The following KIRREL3 variants were observed in gnomAD, a reference collection of about 807,000 sequenced individuals.
The protein encoded by KIRREL3 is kin of IRRE-like protein 3.
In KIRREL3, 36 loss-of-function variants were observed where a neutral mutation model predicts 89.7. That is an observed-to-expected ratio of 0.40 (90% confidence interval 0.31 to 0.53). KIRREL3 has a LOEUF of 0.53. Ranked by LOEUF, KIRREL3 falls within the 20% of genes least tolerant of loss-of-function variation. The pLI, the probability that KIRREL3 is intolerant of heterozygous loss-of-function variation, is 0.49. For missense variants in KIRREL3, 864 were observed against 1,056.6 expected (o/e 0.82, Z 2.53); for synonymous variants, 445 against 441.4 (o/e 1.01, Z -0.10).
rs1286510455 is a variant in KIRREL3, at chr11:126,705,471, C to T, written c.56-142559G>A. ...CACCTTCTCTCCCCATGTGATGTAC[C>T]TGCTCCTGCTTCACCTTCTGCCATG... On this transcript the variant is annotated intron_variant, in intron 1 of 16. Coordinates refer to ENST00000525144, the MANE Select transcript of KIRREL3 (RefSeq NM_032531.4). The surrounding 1 kb of genome is among the most constrained non-coding windows in gnomAD (Gnocchi z 4.3). Among the ~76,000 whole-genome samples, 1 of 152,148 alleles carries T rather than the reference C, an allele frequency of 6.6e-6. No individual in the cohort carries two copies. The highest frequency in any genetic ancestry group is 1.5e-5 in the Non-Finnish European group (1 of 68,024).
In KIRREL3 at chr11:126,436,863, C is replaced by G. The variant is rs186782738; in HGVS notation, c.1500G>C (p.Thr500=). The change falls in exon 12 of 17, where the codon ACG becomes ACC. Residue 500 remains threonine (T), a synonymous_variant. Transcript: ENST00000525144. ...TGTCGGAGCCGAAGCTGTTCCAGGCCGTGCAGTTGTAGATGGTCTGGAAGT... is the reference window on the plus strand; with the variant it reads ...TGTCGGAGCCGAAGCTGTTCCAGGCGGTGCAGTTGTAGATGGTCTGGAAGT... ...RADFQTIYNC[T]AWNSFGSDTE... 206 of 1,613,754 alleles carry G rather than the reference C, an allele frequency of 1.3e-4. 1 individual carries two copies. Among genetic ancestry groups the G allele is most frequent in the Admixed American group, 1.1e-3 (68 of 60,024 alleles).
rs553598347 is a variant in KIRREL3, at chr11:126,943,624, C to T, written c.55+56831G>A. Among the ~76,000 whole-genome samples the T allele has an allele frequency of 1.9e-4, 29 of 152,188 alleles. No individual in the cohort carries two copies. The highest frequency in any genetic ancestry group is 3.4e-3 in the Middle Eastern group (1 of 294). On this transcript the variant is annotated intron_variant, in intron 1 of 16. Transcript: ENST00000525144. This position sits in a 1 kb window ranked among gnomAD's most constrained non-coding sequence, Gnocchi z 4.2. ...TACATCTCAGAGCATAAGTGCCATC[C>T]GGGGTAGAAGGCAGGGAAAGGGCAT...
rs552285040 is a variant in KIRREL3 at position 126,577,487 on chromosome 11, T to G, written c.56-14575A>C. Reference sequence around the variant, plus strand: ...GCTGGCCTGGTACAGTGGCTTATGCTTGTAATCCCAGCACTTTGGGAGGCC... The same window carrying G: ...GCTGGCCTGGTACAGTGGCTTATGCGTGTAATCCCAGCACTTTGGGAGGCC... On this transcript the variant is annotated intron_variant, in intron 1 of 16. Transcript: ENST00000525144. 2.6e-3 allele frequency among the ~76,000 whole-genome samples: 387 copies of G among 151,570 alleles called. 1 individual carries two copies. The highest frequency in any genetic ancestry group is 4.4e-3 in the South Asian group (21 of 4,792).
chr11:126,701,603 T>A (rs994663988), intron 1 of KIRREL3, among the ~76,000 whole-genome samples: 1 of 152,086 alleles, frequency 6.6e-6, no homozygotes, highest in African/African-American at 2.4e-5. Context: ...TTAGAAACTC[T>A]CATGGCATGC....
rs2134643142 is a variant in KIRREL3, at chr11:126,575,388, T to A, written c.56-12476A>T. ...AGATATCCACCTTCAGTCTCCTCAA[T>A]GTGTACAATGGAGAGGTCTTGGGCT... On this transcript the variant is annotated intron_variant, in intron 1 of 16. Transcript: ENST00000525144. The surrounding 1 kb of genome is among the most constrained non-coding windows in gnomAD (Gnocchi z 7.0). Among the ~76,000 whole-genome samples the A allele has an allele frequency of 6.6e-6, 1 of 152,180 alleles. No homozygotes were observed. The highest frequency in any genetic ancestry group is 2.1e-4 in the South Asian group (1 of 4,824).
Position 126,429,144 on chromosome 11 carries a change from T to A in KIRREL3, c.1806+35A>T. The A allele has an allele frequency of 7.3e-7, 1 of 1,368,452 alleles. No homozygotes were observed. The highest frequency in any genetic ancestry group is 1.0e-6 in the Non-Finnish European group (1 of 961,232). The allele number at this position is 1,368,452 out of a possible 1,614,324, so 84.8% of individuals were successfully genotyped here. ...GTCCCAGGACCTTCTGGGAATGGAG[T>A]CACGGGATGGGATGGGGCGTAATTG... On this transcript the variant is annotated intron_variant, in intron 15 of 16. Coordinates refer to ENST00000525144, the MANE Select transcript of KIRREL3 (RefSeq NM_032531.4). The surrounding 1 kb of genome is among the most constrained non-coding windows in gnomAD (Gnocchi z 5.2).
chr11:126,662,642 C>T (rs935324812), intron 1 of KIRREL3, among the ~76,000 whole-genome samples: 1 of 152,202 alleles, frequency 6.6e-6, no homozygotes, highest in Non-Finnish European at 1.5e-5. Context: ...AGCCTGATCA[C>T]CTCTTGGAGG....
intron 1 of KIRREL3, among the ~76,000 whole-genome samples, chr11:126,831,370 GCC>G (rs374609980): frequency 6.6e-6 from 1 of 151,668 alleles, no homozygotes; most frequent in Non-Finnish European, 1.5e-5. Flanking sequence ...CAATCTCTCT[GCC>G]TCTCTCTGTC....
At chr11:126,973,992 G>A (rs1949502433) in intron 1 of KIRREL3, among the ~76,000 whole-genome samples, 1 of 152,122 alleles carries the variant, frequency 6.6e-6, no homozygotes, top group Non-Finnish European at 1.5e-5. Flanking sequence ...TAGGGCTCAT[G>A]TTTTCTTTAG....
intron 1 of KIRREL3, among the ~76,000 whole-genome samples, chr11:126,660,868 A>G (rs1252568399): frequency 6.6e-6 from 1 of 152,178 alleles, no homozygotes; most frequent in Non-Finnish European, 1.5e-5. Flanking sequence ...TGGCAGCTAT[A>G]GGGGATAGAG....
At position 126,454,276 on chromosome 11, in the gene KIRREL3, G is replaced by C. The variant is rs1956271573; in HGVS notation, c.848+2073C>G. Among the ~76,000 whole-genome samples, 1 of 152,158 alleles carries C rather than the reference G, an allele frequency of 6.6e-6. No homozygotes were observed. Among genetic ancestry groups the C allele is most frequent in the Non-Finnish European group, 1.5e-5 (1 of 68,022 alleles). On this transcript the variant is annotated intron_variant, in intron 7 of 16. Coordinates refer to ENST00000525144, the MANE Select transcript of KIRREL3 (RefSeq NM_032531.4). The surrounding 1 kb of genome is among the most constrained non-coding windows in gnomAD (Gnocchi z 5.8). ...CTGTCCGGGTCAGTAGGCAGGTGTG[G>C]GTGGGGGAGGCAGGCCTGGGGGTGG...
rs1320865657 is a variant in KIRREL3, at chr11:126,744,334, C to G, written c.56-181422G>C. Among the ~76,000 whole-genome samples the G allele has an allele frequency of 1.3e-5, 2 of 151,836 alleles. No homozygotes were observed. The highest frequency in any genetic ancestry group is 4.8e-5 in the African/African-American group (2 of 41,342). ...GGGGAGCAGCCTTTTCTGGGAGGTT[C>G]ACCCGCAGGAGGTGTGCTGACCAGA... On this transcript the variant is annotated intron_variant, in intron 1 of 16. Coordinates refer to ENST00000525144, the MANE Select transcript of KIRREL3 (RefSeq NM_032531.4). The surrounding 1 kb of genome is among the most constrained non-coding windows in gnomAD (Gnocchi z 4.7).
intron 4 of KIRREL3, among the ~76,000 whole-genome samples, chr11:126,509,516 C>A (rs1298908387): frequency 6.6e-6 from 1 of 152,222 alleles, no homozygotes; most frequent in Non-Finnish European, 1.5e-5. Context: ...TCTCCATCCT[C>A]TTTTTTCCTT....
rs544503 is a variant in KIRREL3, at chr11:126,653,417, C to A, written c.56-90505G>T. Reference sequence around the variant, plus strand: ...GACCTTGTGGGGAATCACTCTCTAGCGCCTCACCGTCTTTGCTGTAAGATG... The same window carrying A: ...GACCTTGTGGGGAATCACTCTCTAGAGCCTCACCGTCTTTGCTGTAAGATG... On this transcript the variant is annotated intron_variant, in intron 1 of 16. Coordinates refer to ENST00000525144, the MANE Select transcript of KIRREL3 (RefSeq NM_032531.4). This position sits in a 1 kb window ranked among gnomAD's most constrained non-coding sequence, Gnocchi z 5.4. Among the ~76,000 whole-genome samples the A allele has an allele frequency of 0.23, 34,785 of 152,064 alleles. 4,645 individuals carry two copies. The highest frequency in any genetic ancestry group is 0.34 in the Middle Eastern group (100 of 294).
At chr11:126,787,947 T>A (rs1189338666) in intron 1 of KIRREL3, among the ~76,000 whole-genome samples, 1 of 152,242 alleles carries the variant, frequency 6.6e-6, no homozygotes, top group South Asian at 2.1e-4. Flanking sequence ...CACTCTTCTA[T>A]TGAATCCTCA....
rs2134744790 is a variant in KIRREL3 at position 126,600,454 on chromosome 11, T to C, written c.56-37542A>G. On this transcript the variant is annotated intron_variant, in intron 1 of 16. Coordinates refer to ENST00000525144, the MANE Select transcript of KIRREL3 (RefSeq NM_032531.4). ...TACAGCAAGAAATAACTAATCTAGG[T>C]CCTTATTAGCTAAGAAGAAATGTGT... Among the ~76,000 whole-genome samples the C allele has an allele frequency of 1.3e-5, 2 of 152,348 alleles. 1 individual carries two copies. The highest frequency in any genetic ancestry group is 1.3e-4 in the Admixed American group (2 of 15,302).
intron 1 of KIRREL3, among the ~76,000 whole-genome samples, chr11:126,634,742 C>A (rs1824447505): frequency 6.6e-6 from 1 of 152,152 alleles, no homozygotes; most frequent in African/African-American, 2.4e-5. Flanking sequence ...CTCCATTGCC[C>A]CCTAGCCTAG....
rs1184824385 is a variant in KIRREL3, at chr11:126,484,930, C to T, written c.434-11464G>A. Among the ~76,000 whole-genome samples, 4 of 152,044 alleles carry T rather than the reference C, an allele frequency of 2.6e-5. No homozygotes were observed. The highest frequency in any genetic ancestry group is 4.4e-5 in the Non-Finnish European group (3 of 68,010). ...TCCCAGGTTCAAGCGATTCTCCTGC[C>T]TCAGCCTTTTAAATAGCTGGGATTA... On this transcript the variant is annotated intron_variant, in intron 4 of 16. Transcript: ENST00000525144. This position sits in a 1 kb window ranked among gnomAD's most constrained non-coding sequence, Gnocchi z 5.2.
At chr11:126,929,885 G>A (rs938854763) in intron 1 of KIRREL3, among the ~76,000 whole-genome samples, 1 of 151,940 alleles carries the variant, frequency 6.6e-6, no homozygotes, top group Non-Finnish European at 1.5e-5. Flanking sequence ...GTAACACCAT[G>A]TGACATAACA....
Sources: gnomAD v4.1 joint callset for allele counts (sites outside exome capture counted in the v4.1 genomes callset) on GRCh38, gnomAD v4.1.1 for gene constraint, Gnocchi (gnomAD v3.1) non-coding constraint, MANE v1.5 for transcripts, NCBI Gene and HGNC (gene_info 2026-07-23, HGNC 2026-07-21) for gene names.